XKR6: variants seen among roughly 807,000 people sequenced by gnomAD.
XKR6 encodes XK-related protein 6.
In XKR6, 22 loss-of-function variants were observed where a neutral mutation model predicts 56.7. The ratio of observed to expected loss-of-function variants is 0.39; its 90% CI spans 0.28 to 0.55. The LOEUF (loss-of-function observed/expected upper bound fraction) is 0.55. Ranked by LOEUF, XKR6 falls within the 20% of genes least tolerant of loss-of-function variation. The probability of loss-of-function intolerance (pLI) is 0.66; values close to 1 mark genes in which losing one functional copy is unlikely to be tolerated. For missense variants in XKR6, 852 were observed against 889.0 expected (o/e 0.96, Z 0.53); for synonymous variants, 524 against 387.8 (o/e 1.35, Z -4.13).
At chr8:10,910,526 G>A (rs920138785) in intron 2 of XKR6, among the ~76,000 whole-genome samples, 1 of 152,128 alleles carries the variant, frequency 6.6e-6, no homozygotes, top group African/African-American at 2.4e-5. Flanking sequence ...GGTCCCAAAT[G>A]CATTTCTTCT....
In XKR6 at chr8:11,107,520, T is replaced by C. The variant is rs1266877355; in HGVS notation, c.764+93056A>G. Among the ~76,000 whole-genome samples, 4 of 152,260 alleles carry C rather than the reference T, an allele frequency of 2.6e-5. No individual in the cohort carries two copies. In the East Asian group the frequency reaches 7.7e-4, roughly 29 times the overall value. On this transcript the variant is annotated intron_variant, in intron 1 of 2. Transcript: ENST00000416569. ...TTTGACTCCTTTGTGCTCGACGTTA[T>C]CCCCACATTTATATCAACCAGCAGG...
At chr8:11,151,696 T>G (rs904696948) in intron 1 of XKR6, among the ~76,000 whole-genome samples, 15 of 126,924 alleles carry the variant, frequency 1.2e-4, no homozygotes, top group African/African-American at 4.4e-4. Context: ...TTTGAACAAG[T>G]TTTTTTTTTT....
intron 1 of XKR6, among the ~76,000 whole-genome samples, chr8:11,087,575 G>T (rs144108900): frequency 1.3e-5 from 2 of 152,092 alleles, no homozygotes; most frequent in Non-Finnish European, 2.9e-5. Context: ...ACATGGTCAG[G>T]TCTCAAAATG....
intron 1 of XKR6, among the ~76,000 whole-genome samples, chr8:11,122,411 G>C (rs929052793): frequency 2.0e-5 from 3 of 152,354 alleles, no homozygotes; most frequent in Admixed American, 2.0e-4. Flanking sequence ...GAACCATTCA[G>C]CAGGATGACA....
chr8:11,018,182 C>T (rs1276067857), intron 1 of XKR6, among the ~76,000 whole-genome samples: 2 of 139,092 alleles, frequency 1.4e-5, no homozygotes, highest in Admixed American at 7.4e-5. Flanking sequence ...CCAGGGACAG[C>T]CTCCCCCTCA....
At chr8:10,903,541 C>G (rs536935007) in intron 2 of XKR6, among the ~76,000 whole-genome samples, 1 of 152,214 alleles carries the variant, frequency 6.6e-6, no homozygotes, top group South Asian at 2.1e-4. Context: ...AAGCTCTAAC[C>G]CCTAGGACCT....
intron 1 of XKR6, among the ~76,000 whole-genome samples, chr8:11,052,198 C>T (rs1205127221): frequency 6.6e-6 from 1 of 152,120 alleles, no homozygotes; most frequent in African/African-American, 2.4e-5. Context: ...GGGTCTCCTG[C>T]CTGGAAGGCT....
intron 1 of XKR6, among the ~76,000 whole-genome samples, chr8:10,995,889 C>A (rs1267549506): frequency 1.3e-5 from 2 of 152,138 alleles, no homozygotes; most frequent in Non-Finnish European, 2.9e-5. Flanking sequence ...GAGATGAGGC[C>A]TGAGCACCTG....
intron 1 of XKR6, among the ~76,000 whole-genome samples, chr8:10,928,096 A>G (rs1331496435): frequency 1.3e-5 from 2 of 152,172 alleles, no homozygotes; most frequent in Non-Finnish European, 2.9e-5. Context: ...TTGCAATATA[A>G]TTAGGTCTGG....
chr8:11,127,105 T>C (rs955848930), intron 1 of XKR6, among the ~76,000 whole-genome samples: 17 of 152,194 alleles, frequency 1.1e-4, no homozygotes, highest in Admixed American at 2.6e-4. Context: ...AGGTGGTACA[T>C]TGGATAAACA....
intron 1 of XKR6, among the ~76,000 whole-genome samples, chr8:11,160,702 G>C (rs570586811): frequency 1.3e-5 from 2 of 152,210 alleles, no homozygotes; most frequent in South Asian, 2.1e-4. Context: ...GAGGTCAAGA[G>C]ATCGAGACCA....
Position 11,143,918 on chromosome 8 carries a change from C to T in XKR6, c.764+56658G>A, listed in dbSNP as rs142075478. ...CTAGGTCTCAAATGGGTTGTTTTCTCCTGAAGTCTCTTTCCTTGGCTCACA... is the reference window on the plus strand; with the variant it reads ...CTAGGTCTCAAATGGGTTGTTTTCTTCTGAAGTCTCTTTCCTTGGCTCACA... On this transcript the variant is annotated intron_variant, in intron 1 of 2. Coordinates refer to ENST00000416569, the MANE Select transcript of XKR6 (RefSeq NM_173683.4). Among the ~76,000 whole-genome samples the T allele has an allele frequency of 9.2e-4, 140 of 152,238 alleles. 1 individual carries two copies. The highest frequency in any genetic ancestry group is 3.2e-3 in the African/African-American group (132 of 41,542).
At chr8:10,926,268 C>T (rs1055600353) in intron 1 of XKR6, among the ~76,000 whole-genome samples, 1 of 152,196 alleles carries the variant, frequency 6.6e-6, no homozygotes, top group Non-Finnish European at 1.5e-5. Context: ...CTGGAGTCTC[C>T]TCACTGGTCC....
intron 1 of XKR6, among the ~76,000 whole-genome samples, chr8:11,133,375 G>A (rs1268894098): frequency 6.6e-6 from 1 of 152,084 alleles, no homozygotes; most frequent in Non-Finnish European, 1.5e-5. Flanking sequence ...CTCTGAGCTG[G>A]ACCTAACTCA....
chr8:10,986,472 T>C (rs1476576630), intron 1 of XKR6, among the ~76,000 whole-genome samples: 4 of 152,210 alleles, frequency 2.6e-5, no homozygotes, highest in Non-Finnish European at 5.9e-5. Context: ...ATTATCTTTA[T>C]ACTTCACGAT....
At chr8:11,141,642 G>A (rs867625295) in intron 1 of XKR6, among the ~76,000 whole-genome samples, 3 of 152,136 alleles carry the variant, frequency 2.0e-5, no homozygotes, top group Non-Finnish European at 2.9e-5. Flanking sequence ...AGTTGGTTAC[G>A]TCACTGACGG....
At chr8:11,085,446 G>T (rs1311911613) in intron 1 of XKR6, among the ~76,000 whole-genome samples, 1 of 152,094 alleles carries the variant, frequency 6.6e-6, no homozygotes, top group Non-Finnish European at 1.5e-5. Flanking sequence ...AGAGGTGTGT[G>T]TGTGTGTGTG....
intron 1 of XKR6, among the ~76,000 whole-genome samples, chr8:10,971,383 T>C (rs571532384): frequency 5.7e-4 from 86 of 152,142 alleles, no homozygotes; most frequent in African/African-American, 2.0e-3. Context: ...ATCGCACCAC[T>C]GCACTCCAGC....
intron 1 of XKR6, among the ~76,000 whole-genome samples, chr8:11,037,230 AC>A (rs1216587665): frequency 3.3e-5 from 5 of 152,136 alleles, no homozygotes; most frequent in African/African-American, 1.2e-4. Context: ...GAATTTTAAT[AC>A]TTTTTTCTTT....
Sources: gnomAD v4.1 joint callset for allele counts (sites outside exome capture counted in the v4.1 genomes callset) on GRCh38, gnomAD v4.1.1 for gene constraint, MANE v1.5 for transcripts, NCBI Gene and HGNC (gene_info 2026-07-23, HGNC 2026-07-21) for gene names.